RTN4RL1: variants seen among roughly 807,000 people sequenced by gnomAD.
RTN4RL1 encodes the protein reticulon-4 receptor-like 1.
Under a neutral mutation model 25.6 loss-of-function variants are expected in RTN4RL1, and 7 were observed. The ratio of observed to expected loss-of-function variants is 0.27; its 90% confidence interval spans 0.16 to 0.51. RTN4RL1 has a LOEUF of 0.51. RTN4RL1 is among the 20% of genes least tolerant of loss of function. RTN4RL1 has a pLI of 0.97. For synonymous variants in RTN4RL1, 297 were observed against 288.2 expected (o/e 1.03, Z -0.31); for missense variants, 500 against 615.6 (o/e 0.81, Z 1.99).
intron 1 of RTN4RL1, among the ~76,000 whole-genome samples, chr17:1,990,728 C>T (rs2066905115): frequency 6.6e-6 from 1 of 152,152 alleles, no homozygotes; most frequent in African/African-American, 2.4e-5. Context: ...GTAATACAAT[C>T]AAGGCTAACA....
At chr17:1,984,831 G>T (rs969122521) in intron 1 of RTN4RL1, among the ~76,000 whole-genome samples, 3 of 152,176 alleles carry the variant, frequency 2.0e-5, no homozygotes, top group African/African-American at 7.2e-5. Context: ...GCCGGGCGTG[G>T]TAGCACACAC....
chr17:1,967,536 T>C (rs963747112), intron 1 of RTN4RL1, among the ~76,000 whole-genome samples: 1 of 152,024 alleles, frequency 6.6e-6, no homozygotes, highest in African/African-American at 2.4e-5. Flanking sequence ...GGCCGCCTCC[T>C]CCCTGGCCTC....
chr17:1,991,403 C>T (rs2066907793), intron 1 of RTN4RL1, among the ~76,000 whole-genome samples: 1 of 146,816 alleles, frequency 6.8e-6, no homozygotes, highest in Non-Finnish European at 1.5e-5. Context: ...TTTGAACCTC[C>T]CCCAACTTTC....
At chr17:1,954,338 C>CTTCCT (rs965742093) in intron 1 of RTN4RL1, among the ~76,000 whole-genome samples, 5 of 150,728 alleles carry the variant, frequency 3.3e-5, no homozygotes, top group African/African-American at 2.4e-5. Context: ...TGGACTCACT[C>CTTCCT]TTCCTTTCCT....
chr17:2,000,575 G>A (rs763209228), intron 1 of RTN4RL1, among the ~76,000 whole-genome samples: 18 of 152,010 alleles, frequency 1.2e-4, no homozygotes, highest in Non-Finnish European at 2.4e-4. Flanking sequence ...GCCCAGGCTG[G>A]TGTGCAATGG....
chr17:1,953,423 G>A (rs1214694479), intron 1 of RTN4RL1, among the ~76,000 whole-genome samples: 1 of 151,994 alleles, frequency 6.6e-6, no homozygotes, highest in Non-Finnish European at 1.5e-5. Context: ...ATTGGGGGGA[G>A]GGATAGCATT....
chr17:2,021,022 T>C (rs2067194095), intron 1 of RTN4RL1, among the ~76,000 whole-genome samples: 1 of 152,202 alleles, frequency 6.6e-6, no homozygotes, highest in South Asian at 2.1e-4. Context: ...TCCCTGGTTT[T>C]GCCGGCTAGG....
chr17:1,936,139 A>G lies in RTN4RL1; in HGVS notation c.*357T>C, dbSNP rs753745327. Reference sequence around the variant, plus strand: ...CCACGGGGCCCTCCAGACCTCTCGGAACGATCGGGATTCCACAGAGCCCCG... The same window carrying G: ...CCACGGGGCCCTCCAGACCTCTCGGGACGATCGGGATTCCACAGAGCCCCG... On this transcript the variant is annotated 3_prime_UTR_variant, in exon 2 of 2. Transcript: ENST00000331238. 1.0e-5 allele frequency: 11 copies of G among 1,072,774 alleles called. No individual in the cohort carries two copies. The highest frequency in any genetic ancestry group is 1.2e-5 in the Non-Finnish European group (11 of 885,302). The allele number at this position is 1,072,774 out of a possible 1,614,324, so 66.5% of individuals were successfully genotyped here. A position where few individuals can be genotyped will look rare whatever the true frequency, so the allele number is the denominator to read the frequency against.
chr17:1,983,377 C>T (rs565796899), intron 1 of RTN4RL1, among the ~76,000 whole-genome samples: 108 of 152,176 alleles, frequency 7.1e-4, no homozygotes, highest in African/African-American at 2.5e-3. Flanking sequence ...GATACTTGTC[C>T]AGTAATGACA....
At chr17:2,023,861 C>G (rs985404180) in intron 1 of RTN4RL1, among the ~76,000 whole-genome samples, 1 of 152,202 alleles carries the variant, frequency 6.6e-6, no homozygotes, top group Non-Finnish European at 1.5e-5. Flanking sequence ...CTCAGCCGCT[C>G]CCGCAGGGCC....
chr17:2,000,548 T>C (rs904356078), intron 1 of RTN4RL1, among the ~76,000 whole-genome samples: 3 of 152,066 alleles, frequency 2.0e-5, no homozygotes, highest in African/African-American at 7.2e-5. Flanking sequence ...ATTTTGAGAC[T>C]GATTTTCGCT....
chr17:1,949,650 C>G (rs1236372045), intron 1 of RTN4RL1, among the ~76,000 whole-genome samples: 3 of 152,174 alleles, frequency 2.0e-5, no homozygotes, highest in Non-Finnish European at 4.4e-5. Flanking sequence ...CCTTCATTCA[C>G]GAGAGTGACT....
chr17:2,005,133 G>A (rs2066984416), intron 1 of RTN4RL1, among the ~76,000 whole-genome samples: 1 of 152,076 alleles, frequency 6.6e-6, no homozygotes, highest in Non-Finnish European at 1.5e-5. Flanking sequence ...AGCCTCTCCA[G>A]TGGCTGGGAC....
intron 1 of RTN4RL1, among the ~76,000 whole-genome samples, chr17:1,958,947 C>A (rs776835497): frequency 6.6e-6 from 1 of 152,266 alleles, no homozygotes; most frequent in African/African-American, 2.4e-5. Flanking sequence ...AAAATCTGAT[C>A]CTTTTTCAGC....
chr17:1,983,485 G>A (rs953715860), intron 1 of RTN4RL1, among the ~76,000 whole-genome samples: 14 of 152,304 alleles, frequency 9.2e-5, no homozygotes, highest in Non-Finnish European at 1.6e-4. Context: ...TGCAGCCTTC[G>A]CCTCCTAGGC....
At chr17:2,016,972 T>C (rs1001868963) in intron 1 of RTN4RL1, among the ~76,000 whole-genome samples, 3 of 152,322 alleles carry the variant, frequency 2.0e-5, no homozygotes, top group African/African-American at 7.2e-5. Context: ...CCCCACTAAA[T>C]GTCAAATGCA....
chr17:1,947,012 G>C (rs7207767), intron 1 of RTN4RL1, among the ~76,000 whole-genome samples: 37 of 53,006 alleles, frequency 7.0e-4, no homozygotes, highest in African/African-American at 1.7e-3. Flanking sequence ...ATCTCTGTGT[G>C]AATGTGTCTG....
intron 1 of RTN4RL1, among the ~76,000 whole-genome samples, chr17:1,955,892 G>A (rs1007628762): frequency 1.3e-5 from 2 of 152,040 alleles, no homozygotes. Flanking sequence ...AATTAAATAA[G>A]ACTTGCCAGT....
At chr17:2,021,740 A>G (rs964150978) in intron 1 of RTN4RL1, among the ~76,000 whole-genome samples, 1 of 151,176 alleles carries the variant, frequency 6.6e-6, no homozygotes, top group African/African-American at 2.4e-5. Flanking sequence ...TTTTTAGTAG[A>G]GACGGGGTTT....
Sources: allele counts gnomAD v4.1 joint callset (sites outside exome capture counted in the v4.1 genomes callset), GRCh38; gene constraint gnomAD v4.1.1; transcripts MANE v1.5; gene names NCBI Gene and HGNC (gene_info 2026-07-23, HGNC 2026-07-21).